Variants in PRDM5 observed in about 807,000 individuals in gnomAD.
The protein encoded by PRDM5 is PR domain zinc finger protein 5.
A neutral mutation model predicts 81.2 loss-of-function variants in PRDM5; 56 were observed. That is an observed-to-expected ratio of 0.69 (90% CI 0.56 to 0.86). PRDM5 has a LOEUF of 0.86. Ranked by LOEUF, PRDM5 falls within the 40% of genes least tolerant of loss-of-function variation. PRDM5 has a pLI of 0.00. For synonymous variants in PRDM5, 267 were observed against 256.4 expected, an observed-to-expected ratio of 1.04 and a Z score of -0.39; for missense variants, 697 against 770.1, an observed-to-expected ratio of 0.91 and a Z score of 1.12.
intron 1 of PRDM5, among the ~76,000 whole-genome samples, chr4:120,685,299 AG>A (rs1433337316): frequency 1.3e-5 from 2 of 152,114 alleles, no homozygotes; most frequent in Non-Finnish European, 1.5e-5. Flanking sequence ...TTAAGATAAG[AG>A]CTGGATATAG....
At chr4:120,775,963 C>T (rs1578687954) in intron 13 of PRDM5, among the ~76,000 whole-genome samples, 1 of 152,100 alleles carries the variant, frequency 6.6e-6, no homozygotes, top group African/African-American at 2.4e-5. Flanking sequence ...ACCATCAGTA[C>T]CTGGTGCCAC....
At chr4:120,696,412 G>A (rs1734522311) in intron 15 of PRDM5, among the ~76,000 whole-genome samples, 1 of 152,036 alleles carries the variant, frequency 6.6e-6, no homozygotes, top group African/African-American at 2.4e-5. Context: ...ACTCACTAGA[G>A]TCTCAGCTCC....
intron 1 of PRDM5, among the ~76,000 whole-genome samples, chr4:120,908,534 C>G (rs1215883640): frequency 1.2e-4 from 19 of 152,330 alleles, no homozygotes; most frequent in Non-Finnish European, 8.8e-5. Context: ...GAACACCCAA[C>G]TCCTGAGAAC....
chr4:120,758,779 G>A (rs1286857155), intron 13 of PRDM5, among the ~76,000 whole-genome samples: 1 of 146,924 alleles, frequency 6.8e-6, no homozygotes, highest in Admixed American at 6.8e-5. Flanking sequence ...TTTTTGAGAT[G>A]GAGTCTCGCT....
chr4:120,799,607 A>G, intron 9 of PRDM5, 54 bp downstream of exon 9: 2 of 1,589,528 alleles, frequency 1.3e-6, no homozygotes, highest in Non-Finnish European at 1.7e-6. Flanking sequence ...AAAAAGTGAC[A>G]ATGTAATTTT....
chr4:120,823,063 A>C (rs1026316258), intron 3 of PRDM5, among the ~76,000 whole-genome samples: 2 of 152,218 alleles, frequency 1.3e-5, no homozygotes, highest in African/African-American at 4.8e-5. Context: ...TCTTTATTAG[A>C]TGAGTTTTTA....
chr4:120,892,878 T>C (rs1764209863), intron 2 of PRDM5, among the ~76,000 whole-genome samples: 1 of 150,294 alleles, frequency 6.7e-6, no homozygotes, highest in Admixed American at 6.6e-5. Flanking sequence ...ATCTGGGTAC[T>C]TCCGAGGACA....
At chr4:120,862,731 G>A (rs565478417) in intron 2 of PRDM5, among the ~76,000 whole-genome samples, 47 of 152,264 alleles carry the variant, frequency 3.1e-4, no homozygotes, top group Non-Finnish European at 6.3e-4. Context: ...CCTTCCAGAA[G>A]TCTGGAATTT....
chr4:120,778,464 AT>A (rs1421911598), intron 12 of PRDM5, among the ~76,000 whole-genome samples: 10 of 152,162 alleles, frequency 6.6e-5, no homozygotes, highest in Admixed American at 6.5e-4. Context: ...ATAGCAAAAC[AT>A]TTTCATCTTC....
At chr4:120,772,408 C>T (rs993497348) in intron 13 of PRDM5, among the ~76,000 whole-genome samples, 1 of 152,162 alleles carries the variant, frequency 6.6e-6, no homozygotes, top group African/African-American at 2.4e-5. Flanking sequence ...AACATAATAT[C>T]AGCCCAACAG....
chr4:120,905,522 C>A (rs1031471691), intron 2 of PRDM5, among the ~76,000 whole-genome samples: 2 of 152,108 alleles, frequency 1.3e-5, no homozygotes, highest in African/African-American at 4.8e-5. Flanking sequence ...ATGTGTGGCC[C>A]TCATCCATTT....
At chr4:120,687,411 AT>A (rs1279725801), downstream of PRDM5, among the ~76,000 whole-genome samples, 1 of 152,110 alleles carries the variant, frequency 6.6e-6, no homozygotes, top group Non-Finnish European at 1.5e-5. Context: ...GGCTTATTTC[AT>A]TTAGCATAAT....
chr4:120,868,920 A>G (rs1253011912), intron 2 of PRDM5, among the ~76,000 whole-genome samples: 2 of 152,080 alleles, frequency 1.3e-5, no homozygotes, highest in Admixed American at 6.5e-5. Context: ...CCTACAATCT[A>G]CTCATTAATA....
chr4:120,701,958 C>G (rs1252172890), intron 15 of PRDM5, among the ~76,000 whole-genome samples: 1 of 152,200 alleles, frequency 6.6e-6, no homozygotes, highest in African/African-American at 2.4e-5. Context: ...CCAGCTTCAT[C>G]ATCCTCAAAT....
At chr4:120,697,597 C>T (rs1734674327) in intron 15 of PRDM5, among the ~76,000 whole-genome samples, 1 of 150,958 alleles carries the variant, frequency 6.6e-6, no homozygotes, top group African/African-American at 2.4e-5. Flanking sequence ...GCAGCCTCGA[C>T]CTCCCTCGAC....
chr4:120,734,255 GTTTT>G (rs749803235), intron 14 of PRDM5, among the ~76,000 whole-genome samples: 1 of 144,154 alleles, frequency 6.9e-6, no homozygotes, highest in South Asian at 2.3e-4. Flanking sequence ...TTGTTTGTTT[GTTTT>G]TTTTTTAGCA....
rs1301319394 is a variant in PRDM5, at chr4:120,781,169, G to C, written c.1417C>G (p.Pro473Ala). The change falls in exon 12 of 16, where the codon CCT becomes GCT. Residue 473 changes from proline (P) to alanine (A), a missense_variant. Around this residue, in one of 3 missense-constraint regions of PRDM5, gnomAD observed 577 missense variants for 606.7 expected, o/e 0.95. Transcript: ENST00000264808. The part of the protein sequence containing the change: ...CELCNKAFVT[P>A]SVLRSHKKTH... ...TTCTTATGACTTCTAAGCACTGAAG[G>C]TGTAACAAAGGCCTTATTACATAGC... The C allele has an allele frequency of 1.2e-6, 2 of 1,613,218 alleles. No individual in the cohort carries two copies. The highest frequency in any genetic ancestry group is 1.7e-4 in the Middle Eastern group (1 of 6,048).
intron 2 of PRDM5, among the ~76,000 whole-genome samples, chr4:120,855,509 G>A (rs1423962992): frequency 2.6e-5 from 4 of 152,018 alleles, no homozygotes; most frequent in Non-Finnish European, 5.9e-5. Flanking sequence ...CTGCCCACTG[G>A]GAAATTCCAA....
intron 2 of PRDM5, among the ~76,000 whole-genome samples, chr4:120,870,268 G>T (rs1761637644): frequency 1.3e-5 from 2 of 152,118 alleles, no homozygotes; most frequent in Non-Finnish European, 2.9e-5. Flanking sequence ...TCGAGTGAAA[G>T]AAATACAAAT....
Sources: gnomAD v4.1 joint callset for allele counts (sites outside exome capture counted in the v4.1 genomes callset) on GRCh38, gnomAD v4.1.1 for gene constraint, gnomAD v4.1.1 regional missense constraint, MANE v1.5 for transcripts, NCBI Gene and HGNC (gene_info 2026-07-23, HGNC 2026-07-21) for gene names.